Variants in RBFOX1 observed in about 807,000 individuals in gnomAD.
RBFOX1 encodes RNA binding fox-1 homolog 1.
RBFOX1 carries 8 observed loss-of-function variants against 57.7 expected under a neutral mutation model. The observed-to-expected ratio is 0.14, with a 90% CI of 0.08 to 0.25. RBFOX1 has a LOEUF of 0.25. RBFOX1 is among the 10% of genes least tolerant of loss of function. The pLI is 1.00. For synonymous variants in RBFOX1, 326 were observed against 222.4 expected (o/e 1.47, Z -4.15); for missense variants, 611 against 548.5 (o/e 1.11, Z -1.14).
chr16:7,586,010 G>A (rs973514358), intron 6 of RBFOX1, among the ~76,000 whole-genome samples: 1 of 152,146 alleles, frequency 6.6e-6, no homozygotes, highest in South Asian at 2.1e-4. Flanking sequence ...ACCTCTGGGG[G>A]TCATAAAGGA....
chr16:7,094,775 T>TGTGTGGGG (rs879519332), intron 4 of RBFOX1, among the ~76,000 whole-genome samples: 1 of 139,694 alleles, frequency 7.2e-6, no homozygotes, highest in Non-Finnish European at 1.6e-5. Flanking sequence ...TGTGTGTGTG[T>TGTGTGGGG]GGGTGTGTGT....
intron 3 of RBFOX1, among the ~76,000 whole-genome samples, chr16:5,813,520 C>G (rs1039403315): frequency 6.6e-6 from 1 of 152,124 alleles, no homozygotes; most frequent in Admixed American, 6.5e-5. Context: ...ATGGATAAAC[C>G]TTGTACATAC....
At chr16:6,714,951 C>T (rs2064482181) in intron 3 of RBFOX1, among the ~76,000 whole-genome samples, 1 of 152,146 alleles carries the variant, frequency 6.6e-6, no homozygotes, top group African/African-American at 2.4e-5. Context: ...GTTGTAGAGG[C>T]ACCTTGAAGG....
At chr16:5,911,191 T>G (rs1017897812) in intron 4 of RBFOX1, among the ~76,000 whole-genome samples, 6 of 152,166 alleles carry the variant, frequency 3.9e-5, no homozygotes, top group Admixed American at 1.3e-4. Context: ...TTGCAGCCCA[T>G]TTGGCTTGCT....
intron 4 of RBFOX1, among the ~76,000 whole-genome samples, chr16:7,495,186 G>T (rs8063152): frequency 0.71 from 107,630 of 152,126 alleles, 43,406 homozygotes; most frequent in Non-Finnish European, 0.93. Flanking sequence ...CCATGGTGTA[G>T]ATATACCACA....
At chr16:5,840,567 C>G (rs952938089) in intron 3 of RBFOX1, among the ~76,000 whole-genome samples, 1 of 152,114 alleles carries the variant, frequency 6.6e-6, no homozygotes, top group Non-Finnish European at 1.5e-5. Context: ...ACACTGAGCT[C>G]TACAAGAAGA....
At chr16:7,464,688 C>CCTT (rs2060176166) in intron 4 of RBFOX1, among the ~76,000 whole-genome samples, 1 of 62,232 alleles carries the variant, frequency 1.6e-5, no homozygotes, top group African/African-American at 6.9e-5. Flanking sequence ...TATTGTCTGT[C>CCTT]TTTTTTTTTT....
chr16:6,185,492 G>A (rs188479409), intron 1 of RBFOX1, among the ~76,000 whole-genome samples: 117 of 152,298 alleles, frequency 7.7e-4, no homozygotes, highest in African/African-American at 2.5e-3. Flanking sequence ...TCAAACCAGA[G>A]CCTTGCTTTC....
intron 3 of RBFOX1, among the ~76,000 whole-genome samples, chr16:6,772,487 G>T (rs998139482): frequency 2.0e-5 from 3 of 151,528 alleles, no homozygotes; most frequent in Non-Finnish European, 2.9e-5. Flanking sequence ...GTATGTGTGG[G>T]TATGGGGTGC....
At chr16:6,213,248 C>G (rs1001287549) in intron 1 of RBFOX1, among the ~76,000 whole-genome samples, 1 of 152,006 alleles carries the variant, frequency 6.6e-6, no homozygotes. Context: ...TTCTTGAACG[C>G]TTAATTATTT....
At chr16:5,757,483 G>T (rs1207795113) in intron 3 of RBFOX1, among the ~76,000 whole-genome samples, 2 of 152,054 alleles carry the variant, frequency 1.3e-5, no homozygotes, top group Non-Finnish European at 2.9e-5. Flanking sequence ...GCCCTCCTCA[G>T]CCTCCAAAAG....
chr16:7,593,426 T>A (rs1290613478), intron 7 of RBFOX1, among the ~76,000 whole-genome samples: 1 of 152,194 alleles, frequency 6.6e-6, no homozygotes, highest in Non-Finnish European at 1.5e-5. Context: ...CGAGTGTATT[T>A]GCATACCCAA....
intron 3 of RBFOX1, among the ~76,000 whole-genome samples, chr16:6,674,547 C>T (rs1046303726): frequency 6.6e-6 from 1 of 152,138 alleles, no homozygotes; most frequent in Non-Finnish European, 1.5e-5. Context: ...GTGTCGAACT[C>T]CTGACCTCAA....
At position 6,816,330 on chromosome 16, in the gene RBFOX1, T is replaced by G. The variant is rs569745768; in HGVS notation, c.-16+161680T>G. Among the ~76,000 whole-genome samples the G allele has an allele frequency of 1.1e-4, 16 of 152,234 alleles. No individual in the cohort carries two copies. The South Asian group carries it at 3.3e-3, about 32-fold the overall frequency. On this transcript the variant is annotated intron_variant, in intron 3 of 15. Transcript: ENST00000550418. ...TTGCAATCAATCATTCAGTCAACAA[T>G]CATTGTGTCATGTCTGCCTGCCTGT... is the stretch of plus-strand genomic sequence containing the variant.
At chr16:5,673,755 A>T (rs1360024506) in intron 3 of RBFOX1, among the ~76,000 whole-genome samples, 2 of 152,136 alleles carry the variant, frequency 1.3e-5, no homozygotes, top group Non-Finnish European at 2.9e-5. Context: ...TACCTTACAA[A>T]TACGTATACA....
chr16:7,321,681 T>C (rs1256198633), intron 4 of RBFOX1, among the ~76,000 whole-genome samples: 1 of 152,196 alleles, frequency 6.6e-6, no homozygotes, highest in African/African-American at 2.4e-5. Flanking sequence ...TAGAAGATGT[T>C]TGGCAAATAA....
intron 2 of RBFOX1, among the ~76,000 whole-genome samples, chr16:6,381,403 C>T (rs542177408): frequency 6.6e-6 from 1 of 152,168 alleles, no homozygotes; most frequent in Non-Finnish European, 1.5e-5. Context: ...TTGTTTAGCT[C>T]CCAGTTATAA....
In RBFOX1 at chr16:5,435,906, C is replaced by G. The variant is rs191517322; in HGVS notation, c.220-31310C>G. On this transcript the variant is annotated intron_variant, in intron 1 of 2. Coordinates refer to the RBFOX1 transcript ENST00000585867. The stretch of plus-strand genomic sequence containing the variant: ...CGACTATCAACAGAGCTGCGGTGAA[C>G]AACCCGATTGCTTAAAATCTAGGTA... Among the ~76,000 whole-genome samples, 337 of 152,364 alleles carry G rather than the reference C, an allele frequency of 2.2e-3. 2 individuals are homozygous for G. Among genetic ancestry groups the G allele is most frequent in the African/African-American group, 7.9e-3 (330 of 41,572 alleles).
chr16:5,437,603 T>G (rs1567509915), intron 1 of RBFOX1, among the ~76,000 whole-genome samples: 1 of 152,148 alleles, frequency 6.6e-6, no homozygotes, highest in Non-Finnish European at 1.5e-5. Context: ...TTTTAAAGAG[T>G]ATAATGCCAA....
Sources: gnomAD v4.1 joint callset for allele counts (sites outside exome capture counted in the v4.1 genomes callset) on GRCh38, gnomAD v4.1.1 for gene constraint, MANE v1.5 for transcripts, NCBI Gene and HGNC (gene_info 2026-07-23, HGNC 2026-07-21) for gene names.